MIPEP: variants seen among roughly 807,000 people sequenced by gnomAD.
MIPEP encodes mitochondrial intermediate peptidase.
Under a neutral mutation model 90.3 loss-of-function variants are expected in MIPEP, and 79 were observed. The ratio of observed to expected loss-of-function variants is 0.87; its 90% CI spans 0.73 to 1.05. The LOEUF is 1.05. MIPEP is among the 50% of genes least tolerant of loss of function. The pLI, the probability that MIPEP is intolerant of heterozygous loss-of-function variation, is 0.00. For missense variants in MIPEP, 940 were observed against 905.6 expected, an observed-to-expected ratio of 1.04 and a Z score of -0.49; for synonymous variants, 334 against 315.8, an observed-to-expected ratio of 1.06 and a Z score of -0.61.
intron 4 of MIPEP, among the ~76,000 whole-genome samples, chr13:23,878,572 T>A (rs1307284175): frequency 6.6e-6 from 1 of 152,070 alleles, no homozygotes; most frequent in African/African-American, 2.4e-5. Flanking sequence ...AGAAAAAAAA[T>A]TAATCTGTGT....
intron 18 of MIPEP, chr13:23,747,398 G>A: frequency 2.8e-6 from 1 of 350,942 alleles, no homozygotes; most frequent in Non-Finnish European, 5.7e-6. Context: ...ATGGATAGCG[G>A]ACCCCCTTTC....
intron 7 of MIPEP, among the ~76,000 whole-genome samples, chr13:23,865,281 A>G (rs570290665): frequency 6.6e-6 from 1 of 152,316 alleles, no homozygotes; most frequent in East Asian, 1.9e-4. Context: ...TCTTTTATAC[A>G]GTTTTAAGTT....
chr13:23,770,341 C>G (rs763823239), intron 16 of MIPEP, among the ~76,000 whole-genome samples: 1 of 152,152 alleles, frequency 6.6e-6, no homozygotes, highest in Non-Finnish European at 1.5e-5. Context: ...TCCCCCAGGT[C>G]GATCCATATG....
intron 18 of MIPEP, among the ~76,000 whole-genome samples, chr13:23,743,558 T>C (rs1218160524): frequency 6.6e-6 from 1 of 152,258 alleles, no homozygotes; most frequent in Non-Finnish European, 1.5e-5. Context: ...CATTCACATA[T>C]GAGGCTCTCT....
intron 4 of MIPEP, among the ~76,000 whole-genome samples, chr13:23,879,005 TAAAC>T (rs1476603643): frequency 6.6e-6 from 1 of 151,942 alleles, no homozygotes; most frequent in Non-Finnish European, 1.5e-5. Flanking sequence ...GATAGACAAA[TAAAC>T]AAACAGGATA....
At chr13:23,880,196 C>T (rs898887481) in intron 3 of MIPEP, among the ~76,000 whole-genome samples, 2 of 152,204 alleles carry the variant, frequency 1.3e-5, no homozygotes, top group Non-Finnish European at 2.9e-5. Flanking sequence ...GTTTCTGCTA[C>T]CATTCTCATG....
chr13:23,807,271 A>G (rs1250365985), intron 15 of MIPEP, among the ~76,000 whole-genome samples: 1 of 152,242 alleles, frequency 6.6e-6, no homozygotes, highest in African/African-American at 2.4e-5. Context: ...TCTGACTCAA[A>G]TATTGTTTTT....
At chr13:23,755,765 GA>G (rs1211981504) in intron 18 of MIPEP, among the ~76,000 whole-genome samples, 2 of 151,384 alleles carry the variant, frequency 1.3e-5, no homozygotes, top group Non-Finnish European at 2.9e-5. Flanking sequence ...AAATTACATA[GA>G]AAAAAAGAAT....
chr13:23,730,322 G>T lies in MIPEP; in HGVS notation c.*26C>A. The T allele has an allele frequency of 1.4e-6, 2 of 1,450,542 alleles. No homozygotes were observed. Among genetic ancestry groups the T allele is most frequent in the Non-Finnish European group, 1.9e-6 (2 of 1,037,068 alleles). 89.9% of individuals were successfully genotyped at this position (1,450,542 alleles called of 1,614,324 possible). ...ACAAAGTCATTATCTACATGACCTT[G>T]ATTTAAGAGGTGTAGAGTGTTTCTT... is the stretch of plus-strand genomic sequence containing the variant. On this transcript the variant is annotated 3_prime_UTR_variant, in exon 19 of 19. Transcript: ENST00000382172.
chr13:23,839,699 A>C lies in MIPEP; in HGVS notation c.1288T>G (p.Leu430Val), dbSNP rs766045500. 8.1e-6 allele frequency: 13 copies of C among 1,612,852 alleles called. No individual in the cohort carries two copies. Among genetic ancestry groups the C allele is most frequent in the Admixed American group, 1.7e-5 (1 of 59,820 alleles). The change falls in exon 12 of 19, where the codon TTG becomes GTG. Residue 430 changes from leucine to valine, a missense_variant. By Grantham distance (32) the Leu-to-Val change is conservative (BLOSUM62 1). Transcript: ENST00000382172. ...LAVVHESEGL[L>V]GYIYCDFFQR... ...AAAAAATCACAGTAAATGTACCCCA[A>C]CAATCCTTCAGATTCATGAACAACA...
At chr13:23,766,414 C>T (rs1344359586) in intron 16 of MIPEP, among the ~76,000 whole-genome samples, 1 of 152,222 alleles carries the variant, frequency 6.6e-6, no homozygotes, top group African/African-American at 2.4e-5. Context: ...GAAGCAAGTT[C>T]CTGAGCTCGT....
rs3794338 is a variant in MIPEP at position 23,859,152 on chromosome 13, C to T, written c.1054-240G>A. Reference sequence around the variant, plus strand: ...CCTACCCCAGAATCTGGGGAAAAGACAAACAAATGTCATTCTGAAGTGGTA... The same window carrying T: ...CCTACCCCAGAATCTGGGGAAAAGATAAACAAATGTCATTCTGAAGTGGTA... On this transcript the variant is annotated intron_variant, in intron 9 of 18. Coordinates refer to ENST00000382172, the MANE Select transcript of MIPEP (RefSeq NM_005932.4). Among the ~76,000 whole-genome samples, 3,836 of 152,206 alleles carry T rather than the reference C, an allele frequency of 0.025. 371 individuals carry two copies. The East Asian group carries it at 0.35, about 14-fold the overall frequency.
chr13:23,817,063 T>C (rs1953248663), intron 14 of MIPEP, among the ~76,000 whole-genome samples: 1 of 152,206 alleles, frequency 6.6e-6, no homozygotes. Flanking sequence ...TTGAGAAAAG[T>C]TAGCATTCTA....
chr13:23,762,216 C>T (rs1952554387), intron 16 of MIPEP, among the ~76,000 whole-genome samples: 1 of 151,950 alleles, frequency 6.6e-6, no homozygotes. Flanking sequence ...TTTAACAAAG[C>T]TGTTAACTCC....
intron 18 of MIPEP, among the ~76,000 whole-genome samples, chr13:23,731,402 C>T (rs1210791706): frequency 1.3e-5 from 2 of 152,194 alleles, no homozygotes; most frequent in East Asian, 3.8e-4. Flanking sequence ...TCAGTCACAA[C>T]ATGAAGAGTG....
At chr13:23,884,477 T>C (rs540228136) in intron 2 of MIPEP, among the ~76,000 whole-genome samples, 12 of 152,194 alleles carry the variant, frequency 7.9e-5, no homozygotes, top group Non-Finnish European at 1.6e-4. Context: ...CCTGAAATGG[T>C]TGGAACAGGA....
chr13:23,861,715 T>A (rs1033108072), intron 9 of MIPEP, among the ~76,000 whole-genome samples: 1 of 152,126 alleles, frequency 6.6e-6, no homozygotes, highest in Non-Finnish European at 1.5e-5. Context: ...AGTCCTAATA[T>A]CTGGACTCTC....
At chr13:23,758,778 C>T (rs1298166849) in intron 17 of MIPEP, among the ~76,000 whole-genome samples, 1 of 152,122 alleles carries the variant, frequency 6.6e-6, no homozygotes, top group African/African-American at 2.4e-5. Flanking sequence ...TGAGAAAAAT[C>T]CAAGTCTAAG....
intron 5 of MIPEP, among the ~76,000 whole-genome samples, chr13:23,873,064 A>C (rs566679294): frequency 6.6e-6 from 1 of 152,342 alleles, no homozygotes; most frequent in South Asian, 2.1e-4. Flanking sequence ...AGAATGCCAC[A>C]TGACTGAAAT....
Sources: allele counts gnomAD v4.1 joint callset (sites outside exome capture counted in the v4.1 genomes callset), GRCh38; gene constraint gnomAD v4.1.1; transcripts MANE v1.5; gene names NCBI Gene and HGNC (gene_info 2026-07-23, HGNC 2026-07-21).